Variants in LINGO2 observed in about 807,000 individuals in gnomAD.
LINGO2 encodes the protein leucine rich repeat and Ig domain containing 2, also known as leucine-rich repeat and immunoglobulin-like domain-containing nogo receptor-interacting protein 2.
LINGO2 carries 14 observed loss-of-function variants against 30.6 expected under a neutral mutation model. The observed-to-expected ratio is 0.46, with a 90% confidence interval of 0.30 to 0.72. The LOEUF (loss-of-function observed/expected upper bound fraction) is 0.72. Ranked by LOEUF, LINGO2 falls within the 30% of genes least tolerant of loss-of-function variation. The probability of loss-of-function intolerance (pLI) is 0.07; values close to 1 mark genes in which losing one functional copy is unlikely to be tolerated. For synonymous variants in LINGO2, 317 were observed against 288.5 expected, an observed-to-expected ratio of 1.10 and a Z score of -1.00; for missense variants, 729 against 751.7, an observed-to-expected ratio of 0.97 and a Z score of 0.35.
At chr9:28,085,853 C>A (rs772361014) in intron 4 of LINGO2, among the ~76,000 whole-genome samples, 17 of 151,906 alleles carry the variant, frequency 1.1e-4, no homozygotes, top group Non-Finnish European at 1.9e-4. Context: ...TTTTACTGGG[C>A]GGTATGATAC....
the LINGO2 span, among the ~76,000 whole-genome samples, chr9:29,114,350 G>A: frequency 6.7e-6 from 1 of 150,196 alleles, no homozygotes; most frequent in African/African-American, 2.4e-5. Context: ...CCCTAAGCCT[G>A]ATTCACTGTG....
At chr9:28,857,069 A>G in the LINGO2 span, among the ~76,000 whole-genome samples, 2 of 152,012 alleles carry the variant, frequency 1.3e-5, no homozygotes, top group African/African-American at 4.8e-5. Flanking sequence ...TCTGAGTTCT[A>G]GTTTAAATAT....
intron 4 of LINGO2, among the ~76,000 whole-genome samples, chr9:28,160,102 C>A (rs868700939): frequency 6.6e-6 from 1 of 151,660 alleles, no homozygotes; most frequent in African/African-American, 2.4e-5. Context: ...GAATCTATAG[C>A]AACTATGAAA....
chr9:28,905,558 A>T, the LINGO2 span, among the ~76,000 whole-genome samples: 5 of 152,128 alleles, frequency 3.3e-5, no homozygotes, highest in African/African-American at 1.2e-4. Context: ...ATTACTAATC[A>T]TCTGGGAAAT....
the LINGO2 span, among the ~76,000 whole-genome samples, chr9:28,734,617 C>T: frequency 6.6e-6 from 1 of 152,060 alleles, no homozygotes; most frequent in Non-Finnish European, 1.5e-5. Flanking sequence ...CATACAGATG[C>T]CTTTTTAAAA....
chr9:28,757,850 C>A, the LINGO2 span, among the ~76,000 whole-genome samples: 1 of 152,022 alleles, frequency 6.6e-6, no homozygotes, highest in African/African-American at 2.4e-5. Context: ...TGGGCTTTCC[C>A]AGATAACTCC....
At chr9:28,895,422 C>T in the LINGO2 span, among the ~76,000 whole-genome samples, 6 of 152,110 alleles carry the variant, frequency 3.9e-5, no homozygotes, top group African/African-American at 1.4e-4. Flanking sequence ...CAACCTTCCA[C>T]AAAAAGTACT....
chr9:27,949,022 G>A (rs1157856376), exon 6 of LINGO2: 1 of 1,614,144 alleles, frequency 6.2e-7, no homozygotes, highest in Non-Finnish European at 8.5e-7. Context: ...CCAGGAATGT[G>A]AAGCAGCCCA....
At chr9:28,510,510 G>T (rs1403928152) in intron 1 of LINGO2, among the ~76,000 whole-genome samples, 1 of 152,080 alleles carries the variant, frequency 6.6e-6, no homozygotes, top group Non-Finnish European at 1.5e-5. Context: ...AGGAGGAGAA[G>T]GAAGAGGAGG....
At chr9:28,725,740 A>G in the LINGO2 span, among the ~76,000 whole-genome samples, 1 of 152,032 alleles carries the variant, frequency 6.6e-6, no homozygotes, top group Non-Finnish European at 1.5e-5. Context: ...AAAGCTCTTT[A>G]GTTTCAAACA....
chr9:28,131,594 G>C (rs1004321766), intron 4 of LINGO2, among the ~76,000 whole-genome samples: 1 of 152,114 alleles, frequency 6.6e-6, no homozygotes, highest in Admixed American at 6.5e-5. Flanking sequence ...ATAGATTATA[G>C]AAACCTAAAT....
chr9:29,066,901 C>A, the LINGO2 span, among the ~76,000 whole-genome samples: 1 of 151,812 alleles, frequency 6.6e-6, no homozygotes, highest in African/African-American at 2.4e-5. Flanking sequence ...ACACCTCTTA[C>A]CTTCTAAGTT....
intron 3 of LINGO2, among the ~76,000 whole-genome samples, chr9:28,359,104 C>G (rs1031352918): frequency 8.5e-5 from 13 of 152,138 alleles, no homozygotes; most frequent in Admixed American, 2.0e-4. Flanking sequence ...ACCCAAACTT[C>G]TACTTACAAA....
chr9:28,703,807 C>G, the LINGO2 span, among the ~76,000 whole-genome samples: 3 of 151,866 alleles, frequency 2.0e-5, no homozygotes, highest in Non-Finnish European at 4.4e-5. Flanking sequence ...TCAAAGAATA[C>G]TATACCCTTT....
intron 1 of LINGO2, among the ~76,000 whole-genome samples, chr9:28,628,471 G>C (rs912930423): frequency 6.6e-6 from 1 of 152,078 alleles, no homozygotes; most frequent in Non-Finnish European, 1.5e-5. Context: ...TGCGTATAGT[G>C]TGCTGATTTA....
chr9:28,895,926 C>A, the LINGO2 span, among the ~76,000 whole-genome samples: 1 of 152,052 alleles, frequency 6.6e-6, no homozygotes, highest in East Asian at 1.9e-4. Flanking sequence ...GTATACATAT[C>A]CCCATTTTAG....
the LINGO2 span, among the ~76,000 whole-genome samples, chr9:28,950,292 G>A: frequency 6.6e-6 from 1 of 151,940 alleles, no homozygotes; most frequent in Non-Finnish European, 1.5e-5. Context: ...AATATCATAT[G>A]GAATGGGTAA....
chr9:28,681,315 G>T, the LINGO2 span, among the ~76,000 whole-genome samples: 1 of 152,048 alleles, frequency 6.6e-6, no homozygotes, highest in African/African-American at 2.4e-5. Flanking sequence ...ATTGGCGGTT[G>T]GTAACCAGAA....
chr9:28,366,033 A>G (rs947072258), intron 3 of LINGO2, among the ~76,000 whole-genome samples: 5 of 152,076 alleles, frequency 3.3e-5, no homozygotes, highest in Non-Finnish European at 5.9e-5. Context: ...CTTTTTCACA[A>G]TGTTAAATCT....
Sources: gnomAD v4.1 joint callset for allele counts (sites outside exome capture counted in the v4.1 genomes callset) on GRCh38, gnomAD v4.1.1 for gene constraint, MANE v1.5 for transcripts, NCBI Gene and HGNC (gene_info 2026-07-23, HGNC 2026-07-21) for gene names.